Variants in TLE6 observed in about 807,000 individuals in gnomAD.
TLE6 encodes the protein TLE family member 6, subcortical maternal complex member, also known as transducin-like enhancer protein 6.
TLE6 carries 72 observed loss-of-function variants against 77.1 expected under a neutral mutation model. That is an observed-to-expected ratio of 0.93 (90% CI 0.77 to 1.14). The LOEUF is 1.14. Ranked by LOEUF, TLE6 falls within the 50% of genes most tolerant of loss-of-function variation. The pLI is 0.00. For missense variants in TLE6, 843 were observed against 747.6 expected (o/e 1.13, Z -1.49); for synonymous variants, 366 against 287.3 (o/e 1.27, Z -2.77).
intron 14 of TLE6, among the ~76,000 whole-genome samples, chr19:2,992,435 G>A (rs1297641416): frequency 6.6e-6 from 1 of 151,920 alleles, no homozygotes; most frequent in African/African-American, 2.4e-5. Context: ...TCGTGCCATT[G>A]CACTCCAGGC....
chr19:2,983,418 G>A (rs1286229518), intron 5 of TLE6, among the ~76,000 whole-genome samples: 1 of 152,100 alleles, frequency 6.6e-6, no homozygotes, highest in Admixed American at 6.6e-5. Flanking sequence ...TGCAATTCAG[G>A]GTGGTCAGGG....
chr19:2,984,632 T>G (rs1319063021), intron 5 of TLE6, among the ~76,000 whole-genome samples: 1 of 151,944 alleles, frequency 6.6e-6, no homozygotes, highest in Non-Finnish European at 1.5e-5. Context: ...CATGCCTGGC[T>G]AACTTTTATG....
intron 13 of TLE6, 79 bp from the exon 14 acceptor site, chr19:2,991,764 A>C: frequency 6.9e-7 from 1 of 1,456,926 alleles, no homozygotes; most frequent in Non-Finnish European, 9.5e-7. Context: ...TTTCATGCCC[A>C]AATGTAGTGA....
In TLE6 at chr19:2,994,972, G is replaced by A. The variant is rs774955682; in HGVS notation, c.1687G>A (p.Glu563Lys). 14 of 1,608,976 alleles carry A rather than the reference G, an allele frequency of 8.7e-6. No homozygotes were observed. Among genetic ancestry groups the A allele is most frequent in the Admixed American group, 5.0e-5 (3 of 59,594 alleles). ...CCGCCTCGTTGTCACAGGCTCCGGG[G>A]AGCACGCCTCCGTGTACCAGATCAC... Reference protein sequence around the residue: ...NNRLVVTGSGEHASVYQITY With the variant: ...NNRLVVTGSGKHASVYQITY The change falls in exon 17 of 17, where the codon GAG becomes AAG. Residue 563 changes from glutamate (E) to lysine (K), a missense_variant. Transcript: ENST00000246112.
chr19:2,983,627 G>GAGGGGGGGGCAGGGAC (rs142723711), intron 5 of TLE6, among the ~76,000 whole-genome samples: 1 of 148,946 alleles, frequency 6.7e-6, no homozygotes, highest in African/African-American at 2.5e-5. Flanking sequence ...AGAGGAGGAG[G>GAGGGGGGGGCAGGGAC]GGGGGAGGGC....
chr19:2,984,187 C>T (rs2088857639), intron 5 of TLE6: 1 of 152,298 alleles, frequency 6.6e-6, no homozygotes, highest in Non-Finnish European at 1.5e-5. Context: ...ACAAGGGAGC[C>T]ACACTTTTCA....
intron 16 of TLE6, among the ~76,000 whole-genome samples, chr19:2,994,481 G>A (rs375848262): frequency 6.6e-6 from 1 of 151,908 alleles, no homozygotes; most frequent in Admixed American, 6.6e-5. Context: ...GTGGTGGTGG[G>A]CGCCTGTAGT....
intron 13 of TLE6, among the ~76,000 whole-genome samples, chr19:2,991,506 C>G (rs924075775): frequency 1.3e-5 from 2 of 150,540 alleles, no homozygotes; most frequent in African/African-American, 2.4e-5. Flanking sequence ...ACGTAAAATA[C>G]AGCACACCAC....
intron 11 of TLE6, among the ~76,000 whole-genome samples, chr19:2,988,629 G>A (rs1473608580): frequency 3.3e-5 from 5 of 152,060 alleles, no homozygotes; most frequent in South Asian, 2.1e-4. Context: ...TCACAGGATC[G>A]CCGCCCCAAC....
chr19:2,987,571 C>A, intron 8 of TLE6, 153 bp from the exon 9 acceptor site: 1 of 1,105,058 alleles, frequency 9.0e-7, no homozygotes, highest in Non-Finnish European at 1.3e-6. Flanking sequence ...CTTCCAGGAC[C>A]CTATACCCTG....
chr19:2,978,828 C>A (rs573541045), intron 2 of TLE6, among the ~76,000 whole-genome samples: 1 of 152,264 alleles, frequency 6.6e-6, no homozygotes, highest in African/African-American at 2.4e-5. Context: ...TGATGTTTTA[C>A]AAGCAATCCC....
chr19:2,994,122 C>G, intron 16 of TLE6, 27 bp downstream of exon 16: 1 of 1,580,218 alleles, frequency 6.3e-7, no homozygotes, highest in African/African-American at 1.3e-5. Flanking sequence ...GGGGCAGGAC[C>G]CGGGGGTGGC....
intron 3 of TLE6, among the ~76,000 whole-genome samples, chr19:2,981,218 G>C (rs2088791268): frequency 6.6e-6 from 1 of 151,394 alleles, no homozygotes; most frequent in Admixed American, 6.6e-5. Context: ...AAAATAGCTG[G>C]GTGTGGTGGC....
At position 2,991,990 on chromosome 19, in the gene TLE6, G is replaced by A; in HGVS notation, c.1386+6G>A. On this transcript the variant is annotated splice_donor_region_variant and intron_variant, in intron 14 of 16. Coordinates refer to ENST00000246112, the MANE Select transcript of TLE6 (RefSeq NM_001143986.2). The stretch of plus-strand genomic sequence containing the variant: ...AGTACCAATTCAAGTCTCAGGTGCG[G>A]AGGCCGGGATGGGGTCTGCTTGGCC... 1 of 1,613,100 alleles carries A rather than the reference G, an allele frequency of 6.2e-7. No individual in the cohort carries two copies. The highest frequency in any genetic ancestry group is 8.5e-7 in the Non-Finnish European group (1 of 1,179,736).
chr19:2,986,943 C>T (rs1171309592), intron 6 of TLE6, 40 bp from the exon 7 acceptor site: 40 of 1,557,402 alleles, frequency 2.6e-5, no homozygotes, highest in South Asian at 7.1e-5. Flanking sequence ...GGTGAAGGCT[C>T]ATCCTCAAAG....
intron 8 of TLE6, 82 bp from the exon 9 acceptor site, chr19:2,987,642 T>C (rs1036386165): frequency 1.3e-6 from 2 of 1,501,162 alleles, no homozygotes; most frequent in Middle Eastern, 1.7e-4. Context: ...TGACAAGCCC[T>C]GTGCAAGCTG....
At position 2,995,055 on chromosome 19, in the gene TLE6, T is replaced by TTC; in HGVS notation, c.*52_*53dup. 1 of 937,046 alleles carries TTC rather than the reference T, an allele frequency of 1.1e-6. No homozygotes were observed. The allele number at this position is 937,046 out of a possible 1,614,324, so 58.0% of individuals were successfully genotyped here. A position where few individuals can be genotyped will look rare whatever the true frequency, so the allele number is the denominator to read the frequency against. ...CCGGCTCCTCTTTTCATCCCCCCCC[T>TTC]TCCCCCCCCCCAACAAGGGGGACAT... On this transcript the variant is annotated 3_prime_UTR_variant, in exon 17 of 17. Transcript: ENST00000246112.
intron 14 of TLE6, 111 bp from the exon 15 acceptor site, chr19:2,993,321 A>AG (rs1193142670): frequency 6.9e-6 from 8 of 1,164,788 alleles, no homozygotes; most frequent in Admixed American, 2.9e-5. Flanking sequence ...CTGCACAGCT[A>AG]GGAAGGGGTC....
In TLE6 at chr19:2,995,059, C is replaced by CCA; in HGVS notation, c.*56_*57insAC. 7 of 1,024,672 alleles carry CCA rather than the reference C, an allele frequency of 6.8e-6. No individual in the cohort carries two copies. The highest frequency in any genetic ancestry group is 2.6e-5 in the East Asian group (1 of 38,124). The allele number at this position is 1,024,672 out of a possible 1,614,324, so 63.5% of individuals were successfully genotyped here. On this transcript the variant is annotated 3_prime_UTR_variant, in exon 17 of 17. Transcript: ENST00000246112. ...CTCCTCTTTTCATCCCCCCCCTTCC[C>CCA]CCCCCCCAACAAGGGGGACATGGTG...
Sources: gnomAD v4.1 joint callset for allele counts (sites outside exome capture counted in the v4.1 genomes callset) on GRCh38, gnomAD v4.1.1 for gene constraint, MANE v1.5 for transcripts, NCBI Gene and HGNC (gene_info 2026-07-23, HGNC 2026-07-21) for gene names.